The following RAPGEFL1 variants were observed in gnomAD, a reference collection of about 807,000 sequenced individuals.
RAPGEFL1 encodes rap guanine nucleotide exchange factor-like 1.
RAPGEFL1 carries 31 observed loss-of-function variants against 64.4 expected under a neutral mutation model. The observed-to-expected ratio is 0.48, with a 90% CI of 0.36 to 0.65. RAPGEFL1 has a LOEUF of 0.65. RAPGEFL1 is among the 30% of genes least tolerant of loss of function. The probability of loss-of-function intolerance (pLI) is 0.00; values close to 1 mark genes in which losing one functional copy is unlikely to be tolerated. For synonymous variants in RAPGEFL1, 331 were observed against 274.1 expected, an observed-to-expected ratio of 1.21 and a Z score of -2.05; for missense variants, 682 against 677.4, an observed-to-expected ratio of 1.01 and a Z score of -0.08.
rs1449913385 is a variant in RAPGEFL1 at position 40,184,692 on chromosome 17, G to C, written c.833+14G>C. The C allele has an allele frequency of 1.3e-6, 2 of 1,487,734 alleles. No individual in the cohort carries two copies. The highest frequency in any genetic ancestry group is 1.8e-6 in the Non-Finnish European group (2 of 1,084,228). The allele number at this position is 1,487,734 out of a possible 1,614,324, so 92.2% of individuals were successfully genotyped here. ...GGTGGAACTAAAGTGAGGGGGAGTG[G>C]GGCAGGGGCGGGAACAGGAAAGTGG... On this transcript the variant is annotated intron_variant, in intron 4 of 14. Transcript: ENST00000620260.
At chr17:40,181,195 G>A (rs1989882946) in intron 1 of RAPGEFL1, 2 of 400,596 alleles carry the variant, frequency 5.0e-6, no homozygotes, top group Non-Finnish European at 1.0e-5. Context: ...GAGGGGAAGA[G>A]GGATACACAC....
rs956986613 is a variant in RAPGEFL1 at position 40,181,748 on chromosome 17, C to T, written c.599+54C>T. 160 of 697,292 alleles carry T rather than the reference C, an allele frequency of 2.3e-4. 3 individuals carry two copies. The highest frequency in any genetic ancestry group is 1.5e-3 in the South Asian group (98 of 67,434). The allele number at this position is 697,292 out of a possible 1,614,324, so 43.2% of individuals were successfully genotyped here. A position where few individuals can be genotyped will look rare whatever the true frequency, so the allele number is the denominator to read the frequency against. On this transcript the variant is annotated intron_variant, in intron 2 of 14. Transcript: ENST00000620260. The stretch of plus-strand genomic sequence containing the variant: ...GAGGTCAGAAGGGAGCCACTCCCTC[C>T]GTCCCACATGCAATCTCAGAGCCTA...
In RAPGEFL1 at chr17:40,177,998, C is replaced by T; in HGVS notation, c.137C>T (p.Pro46Leu). 1 of 482,876 alleles carries T rather than the reference C, an allele frequency of 2.1e-6. No homozygotes were observed. Among genetic ancestry groups the T allele is most frequent in the East Asian group, 3.5e-5 (1 of 28,278 alleles). The allele number at this position is 482,876 out of a possible 1,614,324, so 29.9% of individuals were successfully genotyped here. A position where few individuals can be genotyped will look rare whatever the true frequency, so the allele number is the denominator to read the frequency against. ...GGGGGACCCGGCGGGGGCGGCGGTC[C>T]AGCCGGGGGACAGCGGTCGTTGCAG... ...GGGGPGGGGG[P>L]AGGQRSLQRR... Residue 46 changes from proline to leucine, a missense_variant, in exon 1 of 15, where the codon CCA becomes CTA. Coordinates refer to ENST00000620260, the MANE Select transcript of RAPGEFL1 (RefSeq NM_016339.6).
intron 8 of RAPGEFL1, 142 bp downstream of exon 8, chr17:40,190,904 C>G: frequency 7.5e-7 from 1 of 1,338,436 alleles, no homozygotes. Flanking sequence ...ACCTTTGTTC[C>G]CCCATCTGAA....
intron 2 of RAPGEFL1, among the ~76,000 whole-genome samples, chr17:40,182,680 G>A (rs773885621): frequency 3.7e-4 from 56 of 152,306 alleles, no homozygotes; most frequent in Non-Finnish European, 6.2e-4. Flanking sequence ...ACATCTGGTT[G>A]CCCAGTGAGT....
chr17:40,184,386 A>G (rs759289074), intron 3 of RAPGEFL1, 37 bp downstream of exon 3: 10 of 1,560,968 alleles, frequency 6.4e-6, no homozygotes, highest in Non-Finnish European at 8.7e-6. Context: ...TAAACAGGCT[A>G]TTAGCTCTGG....
intron 13 of RAPGEFL1, 75 bp from the exon 14 acceptor site, chr17:40,193,288 A>G (rs945759347): frequency 2.1e-5 from 31 of 1,483,600 alleles, no homozygotes; most frequent in Non-Finnish European, 2.8e-5. Context: ...GAGTGGGAGA[A>G]TGGCGGAGGG....
At position 40,194,143 on chromosome 17, in the gene RAPGEFL1, G is replaced by A. The variant is rs1449138717; in HGVS notation, c.*355G>A. On this transcript the variant is annotated 3_prime_UTR_variant, in exon 15 of 15. Coordinates refer to ENST00000620260, the MANE Select transcript of RAPGEFL1 (RefSeq NM_016339.6). ...CTCACCCTTCTGTCTTGCAGAGTGG[G>A]ATTGTGGGAGGGATTGGCAGCCTTC... 1 of 238,104 alleles carries A rather than the reference G, an allele frequency of 4.2e-6. No homozygotes were observed. The highest frequency in any genetic ancestry group is 8.3e-6 in the Non-Finnish European group (1 of 119,992). The allele number at this position is 238,104 out of a possible 1,614,324, so 14.7% of individuals were successfully genotyped here.
Position 40,193,888 on chromosome 17 carries a change from C to CAGG in RAPGEFL1, c.*101_*102insGGA. The CAGG allele has an allele frequency of 4.0e-6, 6 of 1,496,054 alleles. No individual in the cohort carries two copies. The highest frequency in any genetic ancestry group is 1.2e-5 in the South Asian group (1 of 81,712). 92.7% of individuals were successfully genotyped at this position (1,496,054 alleles called of 1,614,324 possible). ...AACATCTGACATCTTTCCCGTGGAG[C>CAGG]AACTTCCTGCTCCACGGGAAAGAGG... On this transcript the variant is annotated 3_prime_UTR_variant, in exon 15 of 15. Transcript: ENST00000620260.
At chr17:40,177,459 C>A (rs565147648), upstream of RAPGEFL1, 1 of 644,668 alleles carries the variant, frequency 1.6e-6, no homozygotes, top group East Asian at 2.7e-5. Flanking sequence ...GGCGCGGTCT[C>A]GGTTCTGCCA....
rs937425900 is a variant in RAPGEFL1, at chr17:40,177,741, C to A, written c.-121C>A. 1 of 407,748 alleles carries A rather than the reference C, an allele frequency of 2.5e-6. No individual in the cohort carries two copies. Among genetic ancestry groups the A allele is most frequent in the Non-Finnish European group, 4.3e-6 (1 of 233,756 alleles). 25.3% of individuals were successfully genotyped at this position (407,748 alleles called of 1,614,324 possible). On this transcript the variant is annotated 5_prime_UTR_variant, in exon 1 of 15. Transcript: ENST00000620260. Reference sequence around the variant, plus strand: ...GGCCCCTCTGGCCCCCAGTCTGGCGCCTGGCACGGCCCTCTACTCTGCTCC... The same window carrying A: ...GGCCCCTCTGGCCCCCAGTCTGGCGACTGGCACGGCCCTCTACTCTGCTCC...
At chr17:40,190,922 G>A (rs562318070) in intron 8 of RAPGEFL1, 160 bp downstream of exon 8, 7 of 1,177,548 alleles carry the variant, frequency 5.9e-6, no homozygotes, top group Middle Eastern at 3.0e-4. Flanking sequence ...GAAAAAAATC[G>A]CAAAGAGAGA....
chr17:40,185,799 A>C (rs543887986), intron 4 of RAPGEFL1, among the ~76,000 whole-genome samples: 1 of 150,414 alleles, frequency 6.6e-6, no homozygotes, highest in African/African-American at 2.4e-5. Flanking sequence ...AAAAAAAAAA[A>C]AAAAGAAAAG....
At chr17:40,177,431 G>A, upstream of RAPGEFL1, 2 of 671,724 alleles carry the variant, frequency 3.0e-6, no homozygotes, top group East Asian at 5.4e-5. Flanking sequence ...CGGGGACTGG[G>A]CGGGGACTGG....
At chr17:40,193,077 C>A (rs1025548263) in intron 13 of RAPGEFL1, 87 bp downstream of exon 13, 5 of 1,302,590 alleles carry the variant, frequency 3.8e-6, no homozygotes, top group Non-Finnish European at 5.5e-6. Context: ...AAAATAGCAG[C>A]CTTCCTCCAA....
At position 40,191,518 on chromosome 17, in the gene RAPGEFL1, G is replaced by C. The variant is rs774609858; in HGVS notation, c.1514+24G>C. 6.3e-7 allele frequency: 1 copy of C among 1,584,342 alleles called. No homozygotes were observed. The highest frequency in any genetic ancestry group is 8.6e-7 in the Non-Finnish European group (1 of 1,168,252). On this transcript the variant is annotated intron_variant, in intron 9 of 14. Coordinates refer to ENST00000620260, the MANE Select transcript of RAPGEFL1 (RefSeq NM_016339.6). This position sits in a 1 kb window ranked among gnomAD's most constrained non-coding sequence, Gnocchi z 5.1. ...CTGTGAGTGCGGCCGTCGGCGGGAT[G>C]GGGGGCCGGAGGCCGGAGGCCCGCG...
intron 6 of RAPGEFL1, among the ~76,000 whole-genome samples, chr17:40,189,937 A>C (rs1990203510): frequency 6.8e-6 from 1 of 146,712 alleles, no homozygotes; most frequent in Admixed American, 6.7e-5. Context: ...CTGGGCAACA[A>C]GAGCGAAACT....
rs911738001 is a variant in RAPGEFL1, at chr17:40,195,107, A to T, written c.*1319A>T. On this transcript the variant is annotated 3_prime_UTR_variant, in exon 15 of 15. Transcript: ENST00000620260. Reference sequence around the variant, plus strand: ...AGCAAAAGCAGCTGCTGCTCCTGCTATGAGGGTGTATATATTTTTTACCCA... The same window carrying T: ...AGCAAAAGCAGCTGCTGCTCCTGCTTTGAGGGTGTATATATTTTTTACCCA... 1 of 152,620 alleles carries T rather than the reference A, an allele frequency of 6.6e-6. No homozygotes were observed. The highest frequency in any genetic ancestry group is 1.9e-4 in the East Asian group (1 of 5,192). The allele number at this position is 152,620 out of a possible 1,614,324, so 9.5% of individuals were successfully genotyped here. A position where few individuals can be genotyped will look rare whatever the true frequency, so the allele number is the denominator to read the frequency against.
Position 40,190,475 on chromosome 17 carries a change from G to A in RAPGEFL1, c.1156G>A (p.Ala386Thr), listed in dbSNP as rs781532097. The stretch of plus-strand genomic sequence containing the variant: ...GCCCACTGAGGACTGTGTTTTCACC[G>A]CACTGGGCATCAACAGCCACCTGTT... ...LQPTEDCVFTALGINSHLFAC... is the reference protein window; with the variant it reads ...LQPTEDCVFTTLGINSHLFAC... Residue 386 changes from alanine (A) to threonine (T), a missense_variant, in exon 7 of 15, where the codon GCA (alanine) becomes ACA (threonine). By Grantham distance (58) the Ala-to-Thr change is moderately conservative. Transcript: ENST00000620260. 4.3e-6 allele frequency: 7 copies of A among 1,614,120 alleles called. No individual in the cohort carries two copies. The highest frequency in any genetic ancestry group is 5.1e-6 in the Non-Finnish European group (6 of 1,180,028).
Sources: gnomAD v4.1 joint callset for allele counts (sites outside exome capture counted in the v4.1 genomes callset) on GRCh38, gnomAD v4.1.1 for gene constraint, Gnocchi (gnomAD v3.1) non-coding constraint, MANE v1.5 for transcripts, NCBI Gene and HGNC (gene_info 2026-07-23, HGNC 2026-07-21) for gene names.